Variants in C8orf34 observed in about 807,000 individuals in gnomAD.
C8orf34 encodes chromosome 8 open reading frame 34.
C8orf34 carries 65 observed loss-of-function variants against 68.3 expected under a neutral mutation model. That is an observed-to-expected ratio of 0.95 (90% confidence interval 0.78 to 1.17). The LOEUF (loss-of-function observed/expected upper bound fraction) is 1.17. Among genes scored for constraint, C8orf34 ranks in the 50% most tolerant of loss-of-function variants. The pLI, the probability that C8orf34 is intolerant of heterozygous loss-of-function variation, is 0.00. For missense variants in C8orf34, 664 were observed against 655.4 expected (o/e 1.01, Z -0.14); for synonymous variants, 244 against 241.2 (o/e 1.01, Z -0.11).
At chr8:68,748,385 T>G (rs1322497397) in intron 10 of C8orf34, among the ~76,000 whole-genome samples, 1 of 145,958 alleles carries the variant, frequency 6.9e-6, no homozygotes, top group Non-Finnish European at 1.5e-5. Context: ...AATTGACAAA[T>G]GGGATCTAAT....
At chr8:68,762,123 T>C (rs1348003112) in intron 10 of C8orf34, among the ~76,000 whole-genome samples, 1 of 152,144 alleles carries the variant, frequency 6.6e-6, no homozygotes, top group Non-Finnish European at 1.5e-5. Flanking sequence ...AAGTCAGTGA[T>C]TAAAGATTCT....
chr8:68,758,077 G>A (rs1029856714), intron 10 of C8orf34, among the ~76,000 whole-genome samples: 3 of 152,184 alleles, frequency 2.0e-5, no homozygotes, highest in African/African-American at 4.8e-5. Flanking sequence ...TGTGTGCCAG[G>A]CACACTGATG....
At chr8:68,758,752 T>C (rs1190880838) in intron 10 of C8orf34, among the ~76,000 whole-genome samples, 2 of 136,706 alleles carry the variant, frequency 1.5e-5, no homozygotes, top group Non-Finnish European at 3.1e-5. Flanking sequence ...CCTTGGACTT[T>C]GTTTTTATTT....
chr8:68,458,107 G>A (rs143934166), intron 3 of C8orf34, among the ~76,000 whole-genome samples: 225 of 152,202 alleles, frequency 1.5e-3, no homozygotes, highest in African/African-American at 5.3e-3. Flanking sequence ...TGATAAGTTA[G>A]GCAAGATTTA....
At chr8:68,477,996 G>A (rs1812695337) in intron 4 of C8orf34, among the ~76,000 whole-genome samples, 1 of 152,194 alleles carries the variant, frequency 6.6e-6, no homozygotes, top group African/African-American at 2.4e-5. Flanking sequence ...CCTTTGATGG[G>A]AGGGGCTGCC....
At chr8:68,472,382 T>A (rs566567922) in intron 4 of C8orf34, among the ~76,000 whole-genome samples, 16 of 152,308 alleles carry the variant, frequency 1.1e-4, no homozygotes, top group African/African-American at 3.4e-4. Flanking sequence ...AGCTGTCTGA[T>A]TCTTTACCTT....
At chr8:68,405,717 T>C (rs1481926464) in intron 1 of C8orf34, among the ~76,000 whole-genome samples, 2 of 152,214 alleles carry the variant, frequency 1.3e-5, no homozygotes, top group Non-Finnish European at 2.9e-5. Context: ...TTTACCACTA[T>C]TAAAAAACTA....
chr8:68,588,118 G>A (rs1203937607), intron 7 of C8orf34, among the ~76,000 whole-genome samples: 1 of 152,038 alleles, frequency 6.6e-6, no homozygotes, highest in Admixed American at 6.6e-5. Context: ...TTTACATGTG[G>A]TGACTACAAT....
intron 12 of C8orf34, among the ~76,000 whole-genome samples, chr8:68,806,911 T>G (rs1378115562): frequency 6.6e-6 from 1 of 152,214 alleles, no homozygotes; most frequent in African/African-American, 2.4e-5. Flanking sequence ...ACGTGTCAGC[T>G]GCAGTGATTT....
chr8:68,813,583 G>T (rs1277239983), intron 12 of C8orf34, among the ~76,000 whole-genome samples: 1 of 151,986 alleles, frequency 6.6e-6, no homozygotes, highest in Admixed American at 6.6e-5. Flanking sequence ...ATTTGAAATG[G>T]TTTCCTCCTG....
chr8:68,334,320 A>G (rs1291331547), intron 1 of C8orf34, among the ~76,000 whole-genome samples: 2 of 152,052 alleles, frequency 1.3e-5, no homozygotes, highest in Non-Finnish European at 2.9e-5. Context: ...ATTCTGGACA[A>G]TGATATTCTG....
intron 1 of C8orf34, among the ~76,000 whole-genome samples, chr8:68,352,969 G>A (rs1806576863): frequency 6.6e-6 from 1 of 152,058 alleles, no homozygotes; most frequent in Non-Finnish European, 1.5e-5. Flanking sequence ...ATTTTTAAGG[G>A]ACTGAATCTT....
At chr8:68,506,060 C>T (rs1814007901) in intron 5 of C8orf34, among the ~76,000 whole-genome samples, 1 of 152,016 alleles carries the variant, frequency 6.6e-6, no homozygotes, top group Non-Finnish European at 1.5e-5. Context: ...ACTTTAACCC[C>T]TTGGAGTGTT....
intron 10 of C8orf34, among the ~76,000 whole-genome samples, chr8:68,749,620 C>A (rs1341803127): frequency 6.6e-6 from 1 of 151,974 alleles, no homozygotes; most frequent in East Asian, 1.9e-4. Context: ...GCTCTTAGAC[C>A]CAGGAAGCCA....
At chr8:68,652,257 T>C (rs939341445) in intron 8 of C8orf34, among the ~76,000 whole-genome samples, 39 of 152,218 alleles carry the variant, frequency 2.6e-4, no homozygotes, top group African/African-American at 8.7e-4. Context: ...CATTTTTAAT[T>C]TGGGCTATTG....
intron 7 of C8orf34, among the ~76,000 whole-genome samples, chr8:68,633,818 A>C (rs1446985516): frequency 6.6e-6 from 1 of 152,104 alleles, no homozygotes; most frequent in East Asian, 1.9e-4. Context: ...AAGAAAAGAC[A>C]GAAAGGTTCT....
chr8:68,383,679 A>C (rs1369777110), intron 1 of C8orf34, among the ~76,000 whole-genome samples: 1 of 152,170 alleles, frequency 6.6e-6, no homozygotes, highest in Admixed American at 6.5e-5. Flanking sequence ...CCCTTCTGGA[A>C]AAATATTAGA....
intron 12 of C8orf34, among the ~76,000 whole-genome samples, chr8:68,792,865 ATGTGTGTGTATGAGTG>A (rs1439500712): frequency 6.6e-6 from 1 of 151,828 alleles, no homozygotes; most frequent in Non-Finnish European, 1.5e-5. Context: ...GGCATGTGAT[ATGTGTGTGTATGAGTG>A]TGTGTGTGTA....
At chr8:68,539,486 A>C (rs1815619334) in intron 7 of C8orf34, among the ~76,000 whole-genome samples, 1 of 152,224 alleles carries the variant, frequency 6.6e-6, no homozygotes, top group African/African-American at 2.4e-5. Context: ...AACTATAGGA[A>C]TCCATTTAAA....
Sources: gnomAD v4.1 joint callset for allele counts (sites outside exome capture counted in the v4.1 genomes callset) on GRCh38, gnomAD v4.1.1 for gene constraint, MANE v1.5 for transcripts, NCBI Gene and HGNC (gene_info 2026-07-23, HGNC 2026-07-21) for gene names.